CEP63: variants seen among roughly 807,000 people sequenced by gnomAD.
The protein encoded by CEP63 is centrosomal protein of 63 kDa.
Under a neutral mutation model 89.1 loss-of-function variants are expected in CEP63, and 84 were observed. That is an observed-to-expected ratio of 0.94 (90% CI 0.79 to 1.13). The LOEUF (loss-of-function observed/expected upper bound fraction) is 1.13. CEP63 is among the 50% of genes most tolerant of loss of function. The pLI is 0.00. For synonymous variants in CEP63, 267 were observed against 272.5 expected, an observed-to-expected ratio of 0.98 and a Z score of 0.20; for missense variants, 838 against 813.3, an observed-to-expected ratio of 1.03 and a Z score of -0.37.
the CEP63 span, among the ~76,000 whole-genome samples, chr3:134,594,777 A>G: frequency 1.3e-5 from 2 of 152,230 alleles, no homozygotes; most frequent in South Asian, 4.1e-4. Context: ...GGCAATGTTC[A>G]CTTCAAAAAT....
At chr3:134,545,320 A>G (rs1410458327) in intron 6 of CEP63, among the ~76,000 whole-genome samples, 1 of 151,890 alleles carries the variant, frequency 6.6e-6, no homozygotes, top group Non-Finnish European at 1.5e-5. Flanking sequence ...TTATAAAGAC[A>G]GGGTTTCGCC....
the CEP63 span, among the ~76,000 whole-genome samples, chr3:134,711,291 T>A: frequency 6.6e-6 from 1 of 152,236 alleles, no homozygotes; most frequent in African/African-American, 2.4e-5. Flanking sequence ...ATTTGCTTTA[T>A]CTTCATGTCT....
the CEP63 span, among the ~76,000 whole-genome samples, chr3:134,691,909 A>G: frequency 2.0e-5 from 3 of 151,922 alleles, no homozygotes; most frequent in Non-Finnish European, 1.5e-5. Flanking sequence ...ATGAGGTTTC[A>G]CCATGTTGGT....
intron 10 of CEP63, among the ~76,000 whole-genome samples, chr3:134,583,456 T>C (rs1438649791): frequency 2.0e-5 from 3 of 152,186 alleles, no homozygotes; most frequent in Non-Finnish European, 2.9e-5. Flanking sequence ...CCATTTCTTG[T>C]TTTTTTCAGG....
At chr3:134,586,923 T>G (rs1958497048) in intron 10 of CEP63, among the ~76,000 whole-genome samples, 1 of 152,188 alleles carries the variant, frequency 6.6e-6, no homozygotes, top group Admixed American at 6.5e-5. Context: ...CTTATCTTCT[T>G]GCTTTATTTC....
chr3:134,667,212 ATGT>A, the CEP63 span, among the ~76,000 whole-genome samples: 2 of 152,110 alleles, frequency 1.3e-5, no homozygotes, highest in Admixed American at 6.6e-5. Flanking sequence ...CCCCCGACTA[ATGT>A]TGTTACATAA....
the CEP63 span, among the ~76,000 whole-genome samples, chr3:134,630,342 A>G: frequency 6.6e-6 from 1 of 152,272 alleles, no homozygotes; most frequent in Non-Finnish European, 1.5e-5. Flanking sequence ...TGGAGCAAGC[A>G]TAACTATTTT....
At chr3:134,654,168 T>G in the CEP63 span, among the ~76,000 whole-genome samples, 1 of 152,160 alleles carries the variant, frequency 6.6e-6, no homozygotes, top group Non-Finnish European at 1.5e-5. Context: ...AAGGTGAGAT[T>G]TGTCAGTTGT....
At chr3:134,543,178 T>G (rs967058898) in intron 6 of CEP63, among the ~76,000 whole-genome samples, 2 of 152,200 alleles carry the variant, frequency 1.3e-5, no homozygotes, top group African/African-American at 4.8e-5. Flanking sequence ...TAATAATATA[T>G]TCAACTCAAT....
upstream of CEP63, chr3:134,485,949 T>A: frequency 1.0e-6 from 1 of 982,158 alleles, no homozygotes; most frequent in Non-Finnish European, 1.2e-6. Context: ...TGGAAACCCT[T>A]ACCGGCACCC....
At chr3:134,703,263 T>G in the CEP63 span, among the ~76,000 whole-genome samples, 1 of 131,436 alleles carries the variant, frequency 7.6e-6, no homozygotes, top group Non-Finnish European at 1.5e-5. Flanking sequence ...GCCACTGCAC[T>G]CCAGCCTGGG....
At chr3:134,489,102 A>G (rs1413668371) in intron 1 of CEP63, among the ~76,000 whole-genome samples, 2 of 150,328 alleles carry the variant, frequency 1.3e-5, no homozygotes, top group Admixed American at 6.7e-5. Flanking sequence ...TGGAGGTTGC[A>G]GTGAGCCGAG....
In CEP63 at chr3:134,563,842, C is replaced by T. The variant is rs1172938207; in HGVS notation, c.*2307C>T. ...CTTTACTGTGCTCCACCCATGCTGG[C>T]GTCCTTTCTGTTTATTGAGTGCAGC... On this transcript the variant is annotated 3_prime_UTR_variant, in exon 15 of 15. Transcript: ENST00000675561. The T allele has an allele frequency of 1.3e-5, 2 of 152,352 alleles. No homozygotes were observed. The highest frequency in any genetic ancestry group is 2.4e-5 in the African/African-American group (1 of 41,456). The allele number at this position is 152,352 out of a possible 1,614,324, so 9.4% of individuals were successfully genotyped here.
At chr3:134,573,639 T>G (rs1196026121) in intron 11 of CEP63, among the ~76,000 whole-genome samples, 2 of 152,158 alleles carry the variant, frequency 1.3e-5, no homozygotes, top group African/African-American at 4.8e-5. Context: ...TACCATGCTG[T>G]TTTGGTTACT....
chr3:134,748,324 G>A, the CEP63 span, among the ~76,000 whole-genome samples: 2 of 152,096 alleles, frequency 1.3e-5, no homozygotes, highest in African/African-American at 4.8e-5. Flanking sequence ...TTTCAGGAAG[G>A]CTCAAACTAA....
chr3:134,538,533 G>GTGTGTATATATA (rs1553770392), intron 6 of CEP63, among the ~76,000 whole-genome samples: 2 of 101,372 alleles, frequency 2.0e-5, no homozygotes, highest in African/African-American at 6.0e-5. Flanking sequence ...GTGTGTGTGT[G>GTGTGTATATATA]TATATATATA....
the CEP63 span, among the ~76,000 whole-genome samples, chr3:134,728,659 A>G: frequency 1.3e-5 from 2 of 152,238 alleles, no homozygotes; most frequent in African/African-American, 4.8e-5. Context: ...GATGGAGTAT[A>G]CTGCAGGTGT....
chr3:134,691,201 C>T, the CEP63 span, among the ~76,000 whole-genome samples: 1 of 140,418 alleles, frequency 7.1e-6, no homozygotes, highest in Non-Finnish European at 1.6e-5. Context: ...CAAAAAATAC[C>T]AAAAATTTTA....
chr3:134,735,768 C>T, the CEP63 span, among the ~76,000 whole-genome samples: 1 of 152,068 alleles, frequency 6.6e-6, no homozygotes, highest in Non-Finnish European at 1.5e-5. Flanking sequence ...TGAATCATAA[C>T]TTAAAATCTA....
Sources: allele counts gnomAD v4.1 joint callset (sites outside exome capture counted in the v4.1 genomes callset), GRCh38; gene constraint gnomAD v4.1.1; transcripts MANE v1.5; gene names NCBI Gene and HGNC (gene_info 2026-07-23, HGNC 2026-07-21).